Variants in MRAP2 observed in about 807,000 individuals in gnomAD.
MRAP2 encodes the protein melanocortin 2 receptor accessory protein 2.
Under a neutral mutation model 17.4 loss-of-function variants are expected in MRAP2, and 20 were observed. The observed-to-expected ratio is 1.15, with a 90% confidence interval of 0.81 to 1.67. MRAP2 has a LOEUF of 1.67. MRAP2 is among the 40% of genes most tolerant of loss of function. The pLI is 0.00. For missense variants in MRAP2, 238 were observed against 240.0 expected (o/e 0.99, Z 0.05); for synonymous variants, 96 against 88.4 (o/e 1.09, Z -0.48).
the MRAP2 span, among the ~76,000 whole-genome samples, chr6:84,142,700 G>A: frequency 6.6e-6 from 1 of 152,168 alleles, no homozygotes; most frequent in East Asian, 1.9e-4. Flanking sequence ...TATGCTACCT[G>A]GGTTTACTAA....
In MRAP2 at chr6:84,035,530, T is replaced by C. The variant is rs1157636328; in HGVS notation, c.-8+1647T>C. ...GTTGCAAATAGCAGTTTTTAAAACATGAAAGCCAAGAGAAAGAAAGATAAG... is the reference window on the plus strand; with the variant it reads ...GTTGCAAATAGCAGTTTTTAAAACACGAAAGCCAAGAGAAAGAAAGATAAG... On this transcript the variant is annotated intron_variant, in intron 1 of 3. Transcript: ENST00000257776. 32 of 517,044 alleles carry C rather than the reference T, an allele frequency of 6.2e-5. No individual in the cohort carries two copies. In the Admixed American group the frequency reaches 2.0e-3, roughly 33 times the overall value. 32.0% of individuals were successfully genotyped at this position (517,044 alleles called of 1,614,324 possible). A position where few individuals can be genotyped will look rare whatever the true frequency, so the allele number is the denominator to read the frequency against.
At chr6:84,140,925 G>A in the MRAP2 span, among the ~76,000 whole-genome samples, 2 of 152,230 alleles carry the variant, frequency 1.3e-5, no homozygotes, top group South Asian at 2.1e-4. Flanking sequence ...ATTCTTCCAC[G>A]GAAAGAGGGA....
intron 3 of MRAP2, among the ~76,000 whole-genome samples, chr6:84,074,692 A>AC (rs1181918974): frequency 1.9e-4 from 29 of 152,260 alleles, no homozygotes; most frequent in African/African-American, 6.5e-4. Flanking sequence ...CATAGCCAAG[A>AC]TTTTGCCTGA....
At chr6:84,144,201 G>C in the MRAP2 span, among the ~76,000 whole-genome samples, 2 of 151,898 alleles carry the variant, frequency 1.3e-5, no homozygotes, top group African/African-American at 2.4e-5. Context: ...AAAGTAATTA[G>C]GCTTATTTGA....
the MRAP2 span, among the ~76,000 whole-genome samples, chr6:84,114,910 G>A: frequency 6.6e-6 from 1 of 152,192 alleles, no homozygotes; most frequent in African/African-American, 2.4e-5. Context: ...AGAAGCTGCA[G>A]AACAGCAAAG....
the MRAP2 span, among the ~76,000 whole-genome samples, chr6:84,131,287 T>C: frequency 6.6e-6 from 1 of 152,194 alleles, no homozygotes. Context: ...ATGTGGTCAA[T>C]TTTAAAATAA....
At chr6:84,064,711 T>C (rs961718097) in intron 3 of MRAP2, among the ~76,000 whole-genome samples, 3 of 152,142 alleles carry the variant, frequency 2.0e-5, no homozygotes, top group African/African-American at 7.2e-5. Flanking sequence ...ATGGTCTCGA[T>C]CTGCTGACTT....
intron 3 of MRAP2, among the ~76,000 whole-genome samples, chr6:84,080,515 AG>A (rs1328622746): frequency 6.6e-6 from 1 of 152,136 alleles, no homozygotes; most frequent in Non-Finnish European, 1.5e-5. Flanking sequence ...CCTACATTAG[AG>A]GGAAGTTATT....
the MRAP2 span, among the ~76,000 whole-genome samples, chr6:84,096,244 A>G: frequency 1.3e-5 from 2 of 152,154 alleles, no homozygotes; most frequent in South Asian, 4.1e-4. Context: ...TAGAATTGGG[A>G]CGTGAGGGAC....
At chr6:84,083,910 T>C (rs1378517474) in intron 3 of MRAP2, among the ~76,000 whole-genome samples, 1 of 152,156 alleles carries the variant, frequency 6.6e-6, no homozygotes, top group Non-Finnish European at 1.5e-5. Context: ...CAGTGTAACA[T>C]AGTAATACAA....
At chr6:84,074,866 A>G (rs1341942611) in intron 3 of MRAP2, among the ~76,000 whole-genome samples, 1 of 152,126 alleles carries the variant, frequency 6.6e-6, no homozygotes, top group African/African-American at 2.4e-5. Flanking sequence ...ACTGCAATAA[A>G]ATGGGTATTT....
chr6:84,097,976 A>C, the MRAP2 span, among the ~76,000 whole-genome samples: 1 of 152,320 alleles, frequency 6.6e-6, no homozygotes, highest in Non-Finnish European at 1.5e-5. Context: ...TATAATTGAC[A>C]AAATAATTTT....
intron 1 of MRAP2, among the ~76,000 whole-genome samples, chr6:84,053,480 C>T (rs1373216346): frequency 6.6e-6 from 1 of 152,074 alleles, no homozygotes; most frequent in Non-Finnish European, 1.5e-5. Context: ...ATTTATTTGT[C>T]TAGGCACCGT....
intron 3 of MRAP2, among the ~76,000 whole-genome samples, chr6:84,080,056 T>C (rs1369689227): frequency 1.3e-5 from 2 of 150,936 alleles, no homozygotes; most frequent in African/African-American, 2.4e-5. Context: ...TCTTTTGAGA[T>C]GGAATCTTGC....
the MRAP2 span, among the ~76,000 whole-genome samples, chr6:84,134,808 C>T: frequency 2.6e-4 from 39 of 151,702 alleles, no homozygotes; most frequent in African/African-American, 9.2e-4. Flanking sequence ...TTGCCAGCCT[C>T]CCCCCCACAG....
At chr6:84,056,278 G>T (rs969546503) in intron 2 of MRAP2, among the ~76,000 whole-genome samples, 1 of 152,180 alleles carries the variant, frequency 6.6e-6, no homozygotes, top group African/African-American at 2.4e-5. Flanking sequence ...TAGAATCAGA[G>T]AAACAAATGT....
chr6:84,064,705 T>A (rs528180792), intron 3 of MRAP2, among the ~76,000 whole-genome samples: 1 of 152,142 alleles, frequency 6.6e-6, no homozygotes, highest in Non-Finnish European at 1.5e-5. Flanking sequence ...GCCAGGATGG[T>A]CTCGATCTGC....
intron 3 of MRAP2, among the ~76,000 whole-genome samples, chr6:84,079,118 G>A (rs1048210199): frequency 1.3e-5 from 2 of 152,150 alleles, no homozygotes; most frequent in Non-Finnish European, 2.9e-5. Flanking sequence ...AACGTTCAAA[G>A]TAGCTTTACT....
At chr6:84,037,011 G>T (rs150845367) in intron 1 of MRAP2, among the ~76,000 whole-genome samples, 1,871 of 146,596 alleles carry the variant, frequency 0.013, 43 homozygotes, top group African/African-American at 0.045. Flanking sequence ...AGACACAGAG[G>T]GCTGATTGGT....
Sources: gnomAD v4.1 joint callset for allele counts (sites outside exome capture counted in the v4.1 genomes callset) on GRCh38, gnomAD v4.1.1 for gene constraint, MANE v1.5 for transcripts, NCBI Gene and HGNC (gene_info 2026-07-23, HGNC 2026-07-21) for gene names.